The following CSMD1 variants were observed in gnomAD, a reference collection of about 807,000 sequenced individuals.
The protein encoded by CSMD1 is CUB and Sushi multiple domains 1.
In CSMD1, 213 loss-of-function variants were observed where a neutral mutation model predicts 417.5. That is an observed-to-expected ratio of 0.51 (90% CI 0.46 to 0.57). CSMD1 has a LOEUF of 0.57. Among genes scored for constraint, CSMD1 ranks in the 20% least tolerant of loss-of-function variants. The pLI, the probability that CSMD1 is intolerant of heterozygous loss-of-function variation, is 0.00. For missense variants in CSMD1, 6,923 were observed against 4,529.7 expected (o/e 1.53, Z -15.17); for synonymous variants, 2,862 against 1,736.8 (o/e 1.65, Z -16.11).
intron 1 of CSMD1, among the ~76,000 whole-genome samples, chr8:4,914,152 T>A (rs150073335): frequency 6.6e-6 from 1 of 152,282 alleles, no homozygotes; most frequent in Non-Finnish European, 1.5e-5. Context: ...GAAAAGTGCA[T>A]ATAAAGTTAA....
At chr8:4,530,517 C>G (rs1796756461) in intron 2 of CSMD1, among the ~76,000 whole-genome samples, 1 of 150,752 alleles carries the variant, frequency 6.6e-6, no homozygotes, top group Non-Finnish European at 1.5e-5. Flanking sequence ...CTGACAGGCC[C>G]CAGTGTGTGA....
intron 3 of CSMD1, among the ~76,000 whole-genome samples, chr8:4,418,923 T>G (rs905060286): frequency 6.6e-6 from 1 of 152,134 alleles, no homozygotes; most frequent in African/African-American, 2.4e-5. Context: ...CACACGTAAC[T>G]TTAAGCAAAA....
chr8:3,901,159 A>C (rs533990534), intron 5 of CSMD1, among the ~76,000 whole-genome samples: 6 of 152,336 alleles, frequency 3.9e-5, no homozygotes, highest in African/African-American at 1.4e-4. Flanking sequence ...GAGAAATAGT[A>C]TATCCTCAGC....
At chr8:3,866,471 A>G (rs1429495033) in intron 5 of CSMD1, among the ~76,000 whole-genome samples, 2 of 152,172 alleles carry the variant, frequency 1.3e-5, no homozygotes, top group Non-Finnish European at 2.9e-5. Flanking sequence ...TTGTGATATT[A>G]ATATTTTACA....
chr8:4,986,260 CACTA>C (rs1220604908), intron 1 of CSMD1, among the ~76,000 whole-genome samples: 1 of 152,250 alleles, frequency 6.6e-6, no homozygotes, highest in East Asian at 1.9e-4. Flanking sequence ...ACAGTTATGT[CACTA>C]ACTATCAAGG....
chr8:3,829,970 A>G (rs1351643205), intron 5 of CSMD1, among the ~76,000 whole-genome samples: 1 of 152,134 alleles, frequency 6.6e-6, no homozygotes, highest in African/African-American at 2.4e-5. Flanking sequence ...AATTTTGCTC[A>G]TATGTTTTTT....
At position 3,409,261 on chromosome 8, in the gene CSMD1, T is replaced by C. The variant is rs552292377; in HGVS notation, c.1744+162A>G. ...TTACTAAATGAAGAAAGCAGGCAAG[T>C]TGGTGTTCGAGAACGTCCTTGCACG... On this transcript the variant is annotated intron_variant, in intron 13 of 69. Coordinates refer to ENST00000635120, the MANE Select transcript of CSMD1 (RefSeq NM_033225.6). 4.6e-5 allele frequency among the ~76,000 whole-genome samples: 7 copies of C among 152,334 alleles called. No individual in the cohort carries two copies. In the South Asian group the frequency reaches 1.5e-3, roughly 32 times the overall value.
intron 2 of CSMD1, among the ~76,000 whole-genome samples, chr8:4,603,772 G>T (rs759039126): frequency 1.3e-5 from 2 of 152,120 alleles, no homozygotes; most frequent in African/African-American, 4.8e-5. Flanking sequence ...GTGTACCGGA[G>T]AAGTTGGAAT....
intron 3 of CSMD1, among the ~76,000 whole-genome samples, chr8:4,354,792 A>G (rs1167733157): frequency 1.3e-5 from 2 of 151,978 alleles, no homozygotes; most frequent in Admixed American, 6.6e-5. Context: ...AATGAAAGCA[A>G]AAAGTTTATC....
intron 51 of CSMD1, among the ~76,000 whole-genome samples, chr8:3,024,380 G>A (rs654490): frequency 0.31 from 45,976 of 150,502 alleles, 8,420 homozygotes; most frequent in African/African-American, 0.51. Context: ...ACCTCAGCTC[G>A]CGGCAACTGC....
chr8:3,107,990 C>T (rs1428618259), intron 44 of CSMD1, among the ~76,000 whole-genome samples, 192 bp from the exon 45 acceptor site: 1 of 152,152 alleles, frequency 6.6e-6, no homozygotes, highest in Non-Finnish European at 1.5e-5. Context: ...TGCCAAAAAA[C>T]AGTTAAAGCC....
intron 3 of CSMD1, among the ~76,000 whole-genome samples, chr8:4,397,192 G>C (rs1400644979): frequency 1.3e-5 from 2 of 151,880 alleles, no homozygotes; most frequent in Non-Finnish European, 2.9e-5. Flanking sequence ...GTATGTGTTT[G>C]ATCCTATTTT....
intron 1 of CSMD1, among the ~76,000 whole-genome samples, chr8:4,850,737 T>C (rs1205759098): frequency 2.0e-5 from 3 of 152,076 alleles, no homozygotes; most frequent in East Asian, 1.9e-4. Context: ...TGTGCACTCA[T>C]TGTTCCAGTA....
At chr8:3,701,513 T>TG (rs1800867600) in intron 7 of CSMD1, among the ~76,000 whole-genome samples, 1 of 151,890 alleles carries the variant, frequency 6.6e-6, no homozygotes, top group Non-Finnish European at 1.5e-5. Flanking sequence ...TAAACCTTAT[T>TG]TTTTTTTTTT....
At chr8:4,123,373 T>G (rs1802592890) in intron 3 of CSMD1, among the ~76,000 whole-genome samples, 1 of 152,250 alleles carries the variant, frequency 6.6e-6, no homozygotes, top group African/African-American at 2.4e-5. Flanking sequence ...CATAACGTCC[T>G]TTATTAATTC....
chr8:4,384,599 G>C (rs1266622585), intron 3 of CSMD1, among the ~76,000 whole-genome samples: 1 of 151,892 alleles, frequency 6.6e-6, no homozygotes, highest in Admixed American at 6.6e-5. Flanking sequence ...ATACATTTCT[G>C]GAAGAAAAAT....
intron 3 of CSMD1, among the ~76,000 whole-genome samples, chr8:4,111,566 A>C (rs1563137787): frequency 6.6e-6 from 1 of 152,222 alleles, no homozygotes; most frequent in East Asian, 1.9e-4. Flanking sequence ...CAGTTCACAT[A>C]CACCATGGAA....
intron 1 of CSMD1, among the ~76,000 whole-genome samples, chr8:4,653,028 C>T (rs1425374538): frequency 6.6e-6 from 1 of 152,022 alleles, no homozygotes; most frequent in Non-Finnish European, 1.5e-5. Flanking sequence ...TAACAGGCCA[C>T]AGATAGGTAC....
chr8:3,652,942 AG>A (rs1419283298), intron 7 of CSMD1, among the ~76,000 whole-genome samples: 1 of 152,192 alleles, frequency 6.6e-6, no homozygotes, highest in Non-Finnish European at 1.5e-5. Flanking sequence ...AAAGACTGAA[AG>A]CCCCTTATTT....
Sources: allele counts gnomAD v4.1 joint callset (sites outside exome capture counted in the v4.1 genomes callset), GRCh38; gene constraint gnomAD v4.1.1; transcripts MANE v1.5; gene names NCBI Gene and HGNC (gene_info 2026-07-23, HGNC 2026-07-21).